The following SWAP70 variants were observed in gnomAD, a reference collection of about 807,000 sequenced individuals.
SWAP70 encodes switching B cell complex subunit SWAP70.
A neutral mutation model predicts 80.2 loss-of-function variants in SWAP70; 34 were observed. The ratio of observed to expected loss-of-function variants is 0.42; its 90% confidence interval spans 0.32 to 0.56. The LOEUF is 0.56. Among genes scored for constraint, SWAP70 ranks in the 20% least tolerant of loss-of-function variants. The probability of loss-of-function intolerance (pLI) is 0.09; values close to 1 mark genes in which losing one functional copy is unlikely to be tolerated. For missense variants in SWAP70, 578 were observed against 690.7 expected, an observed-to-expected ratio of 0.84 and a Z score of 1.83; for synonymous variants, 239 against 238.5, an observed-to-expected ratio of 1.00 and a Z score of -0.02.
At chr11:9,669,255 C>A (rs1850345117) in intron 1 of SWAP70, among the ~76,000 whole-genome samples, 1 of 152,130 alleles carries the variant, frequency 6.6e-6, no homozygotes, top group Non-Finnish European at 1.5e-5. Flanking sequence ...TAATTAATTA[C>A]TTAGTTTTTT....
chr11:9,731,529 G>T (rs367724948), intron 6 of SWAP70, among the ~76,000 whole-genome samples: 1 of 152,194 alleles, frequency 6.6e-6, no homozygotes, highest in Non-Finnish European at 1.5e-5. Flanking sequence ...ATAGGGAAAT[G>T]GTTGAATAAG....
At chr11:9,692,579 T>TTA (rs1364407753) in intron 1 of SWAP70, among the ~76,000 whole-genome samples, 5 of 152,128 alleles carry the variant, frequency 3.3e-5, no homozygotes, top group Non-Finnish European at 7.4e-5. Context: ...ATTGTTAACT[T>TTA]GGGTAAAGTT....
At chr11:9,700,690 A>G (rs1850819994) in intron 2 of SWAP70, among the ~76,000 whole-genome samples, 1 of 152,160 alleles carries the variant, frequency 6.6e-6, no homozygotes, top group Admixed American at 6.5e-5. Context: ...TAACTGTACT[A>G]TTGAAGGATT....
rs546668816 is a variant in SWAP70 at position 9,729,272 on chromosome 11, A to G, written c.790-71A>G. The G allele has an allele frequency of 3.4e-5, 32 of 948,638 alleles. No individual in the cohort carries two copies. The African/African-American group carries it at 4.0e-4, about 12-fold the overall frequency. The allele number at this position is 948,638 out of a possible 1,614,324, so 58.8% of individuals were successfully genotyped here. On this transcript the variant is annotated intron_variant, in intron 5 of 11. Coordinates refer to ENST00000318950, the MANE Select transcript of SWAP70 (RefSeq NM_015055.4). The stretch of plus-strand genomic sequence containing the variant: ...TGACATTAAGTTTCAGCTCATTTTT[A>G]TAAATAATTCAAATTGAATTTCATT...
chr11:9,721,690 C>T (rs1341340777), intron 3 of SWAP70, among the ~76,000 whole-genome samples: 2 of 152,022 alleles, frequency 1.3e-5, no homozygotes, highest in African/African-American at 4.8e-5. Context: ...CTAGGCTGAT[C>T]TTGAATTCCT....
intron 9 of SWAP70, chr11:9,740,738 G>T: frequency 4.5e-6 from 1 of 221,058 alleles, no homozygotes; most frequent in Non-Finnish European, 9.1e-6. Context: ...TCAGGCCAAC[G>T]TTGCCGTCAG....
intron 2 of SWAP70, among the ~76,000 whole-genome samples, chr11:9,704,075 GT>G (rs1175464294): frequency 6.6e-6 from 1 of 152,138 alleles, no homozygotes; most frequent in Non-Finnish European, 1.5e-5. Flanking sequence ...AGTTGTGAAT[GT>G]ATTTACTATG....
chr11:9,724,559 A>T, intron 3 of SWAP70, 99 bp from the exon 4 acceptor site: 1 of 872,830 alleles, frequency 1.1e-6, no homozygotes, highest in Non-Finnish European at 1.7e-6. Flanking sequence ...TGTAAAGAGT[A>T]TTTCCTAAGT....
chr11:9,683,138 G>T (rs930550545), intron 1 of SWAP70, among the ~76,000 whole-genome samples: 22 of 152,184 alleles, frequency 1.4e-4, no homozygotes, highest in Non-Finnish European at 2.8e-4. Context: ...GCTGGCGCAT[G>T]CCTGTAATTC....
intron 6 of SWAP70, among the ~76,000 whole-genome samples, chr11:9,732,186 G>C (rs910023552): frequency 6.6e-6 from 1 of 152,188 alleles, no homozygotes; most frequent in East Asian, 1.9e-4. Flanking sequence ...ATTGTCATTA[G>C]TTCTTAAAAA....
chr11:9,664,350 G>T, intron 1 of SWAP70, 72 bp downstream of exon 1: 2 of 1,479,552 alleles, frequency 1.4e-6, no homozygotes, highest in Non-Finnish European at 1.8e-6. Context: ...GGGTGGAAGC[G>T]GGACCTGGCG....
At chr11:9,742,362 G>A (rs1447311413) in intron 9 of SWAP70, among the ~76,000 whole-genome samples, 1 of 151,460 alleles carries the variant, frequency 6.6e-6, no homozygotes, top group Non-Finnish European at 1.5e-5. Context: ...TTCTGAGATG[G>A]AGTCTTGCTC....
At chr11:9,732,081 G>T (rs866933663) in intron 6 of SWAP70, among the ~76,000 whole-genome samples, 7 of 152,170 alleles carry the variant, frequency 4.6e-5, no homozygotes, top group Admixed American at 3.3e-4. Context: ...AACACAGTAG[G>T]TTGCAAATTA....
intron 2 of SWAP70, among the ~76,000 whole-genome samples, chr11:9,707,557 C>CTT (rs34901698): frequency 3.7e-4 from 24 of 64,820 alleles, no homozygotes; most frequent in Admixed American, 7.6e-4. Context: ...TTTTTCTTTT[C>CTT]TTTTTTTTTT....
intron 1 of SWAP70, chr11:9,681,331 G>A (rs1850565962): frequency 6.6e-6 from 1 of 152,204 alleles, no homozygotes; most frequent in Admixed American, 6.5e-5. Flanking sequence ...TGGAGAATTA[G>A]GATTTAAAGA....
chr11:9,747,017 C>T (rs1001894521), intron 9 of SWAP70, among the ~76,000 whole-genome samples: 6 of 152,108 alleles, frequency 3.9e-5, no homozygotes, highest in African/African-American at 1.4e-4. Flanking sequence ...TATTGTTGCT[C>T]AAGCCACTAG....
intron 2 of SWAP70, among the ~76,000 whole-genome samples, chr11:9,702,373 A>T (rs1487393621): frequency 7.0e-6 from 1 of 143,570 alleles, no homozygotes; most frequent in African/African-American, 2.7e-5. Flanking sequence ...TTTTTCGTTC[A>T]TTGTTTTTTG....
At position 9,664,098 on chromosome 11, in the gene SWAP70, T is replaced by C; in HGVS notation, c.-82T>C. Reference sequence around the variant, plus strand: ...GGTCAGGTGACTGCGCGGCGGGCTGTGGCTGCGGAGGTTGAGGGGCGTCCG... The same window carrying C: ...GGTCAGGTGACTGCGCGGCGGGCTGCGGCTGCGGAGGTTGAGGGGCGTCCG... On this transcript the variant is annotated 5_prime_UTR_variant, in exon 1 of 12. Coordinates refer to ENST00000318950, the MANE Select transcript of SWAP70 (RefSeq NM_015055.4). The C allele has an allele frequency of 1.5e-6, 2 of 1,346,038 alleles. No homozygotes were observed. Among genetic ancestry groups the C allele is most frequent in the Non-Finnish European group, 2.0e-6 (2 of 1,004,792 alleles). The allele number at this position is 1,346,038 out of a possible 1,614,324, so 83.4% of individuals were successfully genotyped here.
intron 2 of SWAP70, among the ~76,000 whole-genome samples, chr11:9,712,307 T>C (rs995719840): frequency 1.3e-5 from 2 of 152,242 alleles, no homozygotes; most frequent in Non-Finnish European, 2.9e-5. Flanking sequence ...TATTGAATTA[T>C]ACACTGTTAA....
Sources: gnomAD v4.1 joint callset for allele counts (sites outside exome capture counted in the v4.1 genomes callset) on GRCh38, gnomAD v4.1.1 for gene constraint, MANE v1.5 for transcripts, NCBI Gene and HGNC (gene_info 2026-07-23, HGNC 2026-07-21) for gene names.